PACRG: variants seen among roughly 807,000 people sequenced by gnomAD.
PACRG encodes the protein parkin coregulated.
Under a neutral mutation model 29.7 loss-of-function variants are expected in PACRG, and 29 were observed. The observed-to-expected ratio is 0.98, with a 90% CI of 0.73 to 1.33. The LOEUF (loss-of-function observed/expected upper bound fraction) is 1.33. Among genes scored for constraint, PACRG ranks in the 40% most tolerant of loss-of-function variants. PACRG has a pLI of 0.00. For missense variants in PACRG, 279 were observed against 316.2 expected (o/e 0.88, Z 0.89); for synonymous variants, 116 against 118.7 (o/e 0.98, Z 0.15).
chr6:163,197,545 G>A (rs908160733), intron 4 of PACRG, among the ~76,000 whole-genome samples: 4 of 146,192 alleles, frequency 2.7e-5, no homozygotes, highest in East Asian at 2.1e-4. Flanking sequence ...CCGGGTTCAC[G>A]CCATTCTCCT....
At chr6:162,812,574 T>C (rs1456373522) in intron 1 of PACRG, among the ~76,000 whole-genome samples, 1 of 151,536 alleles carries the variant, frequency 6.6e-6, no homozygotes, top group Non-Finnish European at 1.5e-5. Flanking sequence ...TAAAAAAAAA[T>C]AACTTTTTGG....
At chr6:163,160,726 C>G (rs1032634618) in intron 4 of PACRG, among the ~76,000 whole-genome samples, 1 of 152,162 alleles carries the variant, frequency 6.6e-6, no homozygotes, top group East Asian at 1.9e-4. Flanking sequence ...AATTTTCCAA[C>G]CCCAATTCAG....
At position 163,280,953 on chromosome 6, in the gene PACRG, A is replaced by T. The variant is rs80091209; in HGVS notation, c.614-33874A>T. ...ACTTATGGCAGGAAATGATGTCATG[A>T]GAAGTAGAATTAAAATCACCAAGGA... On this transcript the variant is annotated intron_variant, in intron 4 of 4. Transcript: ENST00000366888. Among the ~76,000 whole-genome samples, 958 of 152,266 alleles carry T rather than the reference A, an allele frequency of 6.3e-3. 9 individuals are homozygous for T. Among genetic ancestry groups the T allele is most frequent in the African/African-American group, 0.022 (906 of 41,544 alleles).
At chr6:162,893,969 A>C (rs2128044901) in intron 2 of PACRG, among the ~76,000 whole-genome samples, 1 of 152,296 alleles carries the variant, frequency 6.6e-6, no homozygotes, top group African/African-American at 2.4e-5. Flanking sequence ...ATACCTTGGG[A>C]CGTAAAGAAA....
chr6:162,958,142 A>G (rs551149820), intron 2 of PACRG, among the ~76,000 whole-genome samples: 21 of 152,360 alleles, frequency 1.4e-4, no homozygotes, highest in Admixed American at 1.2e-3. Context: ...ACAAAGAGCC[A>G]TTAATTAGAC....
rs1225586422 is a variant in PACRG, at chr6:162,944,622, ATAT to A, written c.292-117524_292-117522del. Among the ~76,000 whole-genome samples, 4 of 152,296 alleles carry A rather than the reference ATAT, an allele frequency of 2.6e-5. No individual in the cohort carries two copies. The East Asian group carries it at 5.8e-4, about 22-fold the overall frequency. On this transcript the variant is annotated intron_variant, in intron 2 of 4. Coordinates refer to ENST00000366888, the MANE Select transcript of PACRG (RefSeq NM_001080379.2). ...AATAAGATGTTTACCAAAGAGATAG[ATAT>A]TATAAAAAGCATCAAACAGAAATTC...
intron 2 of PACRG, among the ~76,000 whole-genome samples, chr6:162,914,001 T>G (rs539606994): frequency 3.9e-5 from 6 of 152,286 alleles, no homozygotes; most frequent in African/African-American, 1.4e-4. Flanking sequence ...TCAAATAATT[T>G]TTCTCAGTCA....
At chr6:163,292,070 G>GA (rs956316722) in intron 4 of PACRG, among the ~76,000 whole-genome samples, 2 of 152,124 alleles carry the variant, frequency 1.3e-5, no homozygotes, top group African/African-American at 2.4e-5. Context: ...GGAAAAGGGT[G>GA]AATTTAAAGG....
chr6:163,268,264 T>A (rs1353584811), intron 4 of PACRG, among the ~76,000 whole-genome samples: 1 of 151,694 alleles, frequency 6.6e-6, no homozygotes, highest in East Asian at 1.9e-4. Flanking sequence ...TAGCCGGGCG[T>A]GGTGGCGGGC....
At chr6:163,258,650 G>A (rs753888227) in intron 4 of PACRG, among the ~76,000 whole-genome samples, 5 of 151,870 alleles carry the variant, frequency 3.3e-5, no homozygotes, top group Non-Finnish European at 7.4e-5. Context: ...CCAGCTACTC[G>A]GGAGGCTGAG....
In PACRG at chr6:163,232,412, G is replaced by T. The variant is rs541547964; in HGVS notation, c.614-82415G>T. ...CGTGTCAGACCAACGCCCACACTTT[G>T]TCCACTTCTTACTTTGTTTAGTAAG... On this transcript the variant is annotated intron_variant, in intron 4 of 4. Transcript: ENST00000366888. Among the ~76,000 whole-genome samples, 3 of 152,178 alleles carry T rather than the reference G, an allele frequency of 2.0e-5. No individual in the cohort carries two copies. In the South Asian group the frequency reaches 6.2e-4, roughly 32 times the overall value.
At chr6:163,165,562 G>C (rs992728348) in intron 4 of PACRG, 5 of 155,804 alleles carry the variant, frequency 3.2e-5, no homozygotes, top group Non-Finnish European at 7.1e-5. Flanking sequence ...CTGTCTCAGG[G>C]GGAAAAAGGG....
chr6:163,179,684 G>T (rs1160557257), intron 4 of PACRG, among the ~76,000 whole-genome samples: 1 of 147,678 alleles, frequency 6.8e-6, no homozygotes, highest in Non-Finnish European at 1.5e-5. Flanking sequence ...ACTCCAGCCG[G>T]AGCAAGAGAG....
At chr6:163,268,599 T>C (rs976860173) in intron 4 of PACRG, among the ~76,000 whole-genome samples, 1 of 152,214 alleles carries the variant, frequency 6.6e-6, no homozygotes, top group Non-Finnish European at 1.5e-5. Context: ...TCATACTTTT[T>C]CTGATGGCCA....
intron 2 of PACRG, among the ~76,000 whole-genome samples, chr6:162,838,357 G>A (rs1227651514): frequency 6.6e-6 from 1 of 152,112 alleles, no homozygotes; most frequent in African/African-American, 2.4e-5. Context: ...CATACATGTG[G>A]GAGGAGAACA....
chr6:162,958,496 A>C (rs1188853113), intron 2 of PACRG, among the ~76,000 whole-genome samples: 7 of 152,022 alleles, frequency 4.6e-5, no homozygotes, highest in African/African-American at 1.7e-4. Flanking sequence ...CCTCTTAATT[A>C]CCTGACCTAT....
intron 2 of PACRG, among the ~76,000 whole-genome samples, chr6:162,975,005 T>C (rs1801830604): frequency 6.6e-6 from 1 of 152,196 alleles, no homozygotes; most frequent in South Asian, 2.1e-4. Context: ...TGGTACTCCA[T>C]CTGACTTTTC....
intron 3 of PACRG, among the ~76,000 whole-genome samples, chr6:163,079,890 CTT>C (rs67162530): frequency 6.4e-5 from 5 of 78,674 alleles, no homozygotes; most frequent in African/African-American, 1.6e-4. Flanking sequence ...AGCAGTCATT[CTT>C]TTTTTTTTTT....
At chr6:162,728,870 T>C (rs1327834332) in intron 1 of PACRG, among the ~76,000 whole-genome samples, 1 of 152,118 alleles carries the variant, frequency 6.6e-6, no homozygotes, top group Non-Finnish European at 1.5e-5. Context: ...TAGAATATCC[T>C]AGCATTTGCT....
Sources: allele counts gnomAD v4.1 joint callset (sites outside exome capture counted in the v4.1 genomes callset), GRCh38; gene constraint gnomAD v4.1.1; transcripts MANE v1.5; gene names NCBI Gene and HGNC (gene_info 2026-07-23, HGNC 2026-07-21).